ST8SIA5: variants seen among roughly 807,000 people sequenced by gnomAD.
The protein encoded by ST8SIA5 is ST8 alpha-N-acetyl-neuraminide alpha-2,8-sialyltransferase 5.
In ST8SIA5, 24 loss-of-function variants were observed where a neutral mutation model predicts 40.2. The ratio of observed to expected loss-of-function variants is 0.60; its 90% CI spans 0.43 to 0.84. ST8SIA5 has a LOEUF of 0.84. ST8SIA5 is among the 40% of genes least tolerant of loss of function. The pLI is 0.00. For missense variants in ST8SIA5, 465 were observed against 498.5 expected, an observed-to-expected ratio of 0.93 and a Z score of 0.64; for synonymous variants, 198 against 201.8, an observed-to-expected ratio of 0.98 and a Z score of 0.16.
At chr18:46,731,050 T>C (rs2039980531) in intron 1 of ST8SIA5, among the ~76,000 whole-genome samples, 1 of 152,152 alleles carries the variant, frequency 6.6e-6, no homozygotes, top group Admixed American at 6.5e-5. Context: ...GAAGATGAAC[T>C]ATGTGTGACA....
intron 1 of ST8SIA5, among the ~76,000 whole-genome samples, chr18:46,753,179 T>C (rs2040210324): frequency 6.6e-6 from 1 of 152,172 alleles, no homozygotes; most frequent in Non-Finnish European, 1.5e-5. Context: ...CGCACACACA[T>C]AGTCCTACCT....
chr18:46,694,721 G>A (rs1419747366), intron 2 of ST8SIA5, among the ~76,000 whole-genome samples: 1 of 152,060 alleles, frequency 6.6e-6, no homozygotes, highest in South Asian at 2.1e-4. Flanking sequence ...AGGGCTAAAG[G>A]AAGTGCCTGT....
At chr18:46,688,463 T>C (rs756423700) in intron 4 of ST8SIA5, among the ~76,000 whole-genome samples, 34 of 152,206 alleles carry the variant, frequency 2.2e-4, no homozygotes, top group Non-Finnish European at 3.7e-4. Flanking sequence ...GGGGGACGAA[T>C]GTGTTGTCAT....
rs1205408944 is a variant in ST8SIA5 at position 46,676,002 on chromosome 18, G to C, written c.*4040C>G. 6.6e-6 allele frequency: 1 copy of C among 152,168 alleles called. No individual in the cohort carries two copies. The highest frequency in any genetic ancestry group is 1.5e-5 in the Non-Finnish European group (1 of 68,038). The allele number at this position is 152,168 out of a possible 1,614,324, so 9.4% of individuals were successfully genotyped here. The stretch of plus-strand genomic sequence containing the variant: ...AACCCAGGTGTCGAGGCTGCAGTGA[G>C]CCATATTTATATCACCACCCTCTAG... On this transcript the variant is annotated 3_prime_UTR_variant, in exon 7 of 7. Transcript: ENST00000315087.
chr18:46,676,085 C>A lies in ST8SIA5; in HGVS notation c.*3957G>T. 1 of 152,052 alleles carries A rather than the reference C, an allele frequency of 6.6e-6. No individual in the cohort carries two copies. Among genetic ancestry groups the A allele is most frequent in the East Asian group, 1.9e-4 (1 of 5,194 alleles). The allele number at this position is 152,052 out of a possible 1,614,324, so 9.4% of individuals were successfully genotyped here. A position where few individuals can be genotyped will look rare whatever the true frequency, so the allele number is the denominator to read the frequency against. On this transcript the variant is annotated 3_prime_UTR_variant, in exon 7 of 7. Transcript: ENST00000315087. Reference sequence around the variant, plus strand: ...AAACAAACAAAAAAGACCAGAGAGGCCAACCTTGTCAAATGTTACACGGAT... The same window carrying A: ...AAACAAACAAAAAAGACCAGAGAGGACAACCTTGTCAAATGTTACACGGAT...
chr18:46,728,493 G>A (rs1269492338), intron 1 of ST8SIA5, among the ~76,000 whole-genome samples: 1 of 152,234 alleles, frequency 6.6e-6, no homozygotes, highest in African/African-American at 2.4e-5. Context: ...AACCAAAAGA[G>A]GCTGAATCTA....
chr18:46,732,808 T>C (rs1173479372), intron 1 of ST8SIA5, among the ~76,000 whole-genome samples: 1 of 152,008 alleles, frequency 6.6e-6, no homozygotes, highest in African/African-American at 2.4e-5. Context: ...GCGAAAGGCT[T>C]CAATGCTCAA....
Position 46,756,858 on chromosome 18 carries a change from C to A in ST8SIA5, c.-350G>T, listed in dbSNP as rs1433916211. ...TGCCACGAGCCGGAGGCGGCCCCTC[C>A]CGCCGAGGTGGCGGCCAATGGGGAG... On this transcript the variant is annotated 5_prime_UTR_variant, in exon 1 of 7. Coordinates refer to ENST00000315087, the MANE Select transcript of ST8SIA5 (RefSeq NM_013305.6). 6.7e-5 allele frequency: 17 copies of A among 255,348 alleles called. No individual in the cohort carries two copies. The highest frequency in any genetic ancestry group is 1.3e-3 in the Middle Eastern group (1 of 770). The allele number at this position is 255,348 out of a possible 1,614,324, so 15.8% of individuals were successfully genotyped here.
chr18:46,686,878 T>C (rs1038020443), intron 4 of ST8SIA5, among the ~76,000 whole-genome samples: 1 of 151,792 alleles, frequency 6.6e-6, no homozygotes, highest in Admixed American at 6.6e-5. Context: ...ATGTTCCATA[T>C]GGCTGTTTCC....
At chr18:46,708,059 T>C (rs780744446) in intron 1 of ST8SIA5, among the ~76,000 whole-genome samples, 1 of 152,132 alleles carries the variant, frequency 6.6e-6, no homozygotes, top group African/African-American at 2.4e-5. Flanking sequence ...GCGACAGGGT[T>C]GAGAAAAAAC....
intron 1 of ST8SIA5, among the ~76,000 whole-genome samples, chr18:46,715,510 G>T (rs1322572208): frequency 6.6e-6 from 1 of 151,950 alleles, no homozygotes; most frequent in South Asian, 2.1e-4. Context: ...TCTTGTCTGA[G>T]ATCAACCCTG....
At chr18:46,747,151 T>C (rs571017475) in intron 1 of ST8SIA5, among the ~76,000 whole-genome samples, 17 of 152,310 alleles carry the variant, frequency 1.1e-4, no homozygotes, top group African/African-American at 3.6e-4. Context: ...ATTCAGGACA[T>C]AGGCCTGGGC....
chr18:46,683,342 T>A (rs1264191596), intron 5 of ST8SIA5, among the ~76,000 whole-genome samples: 1 of 152,186 alleles, frequency 6.6e-6, no homozygotes, highest in Non-Finnish European at 1.5e-5. Context: ...AAATACTACA[T>A]AATGAATGAA....
chr18:46,720,387 A>G (rs114442040), intron 1 of ST8SIA5, among the ~76,000 whole-genome samples: 3,541 of 152,234 alleles, frequency 0.023, 127 homozygotes, highest in African/African-American at 0.08. Context: ...AAGACCCTCC[A>G]GCCCAGGCCA....
intron 2 of ST8SIA5, 148 bp downstream of exon 2, chr18:46,704,424 G>C (rs904826674): frequency 1.4e-6 from 1 of 695,338 alleles, no homozygotes; most frequent in Non-Finnish European, 2.5e-6. Context: ...GAATGCCAGT[G>C]GCTCTGGGGA....
chr18:46,692,292 T>A, intron 2 of ST8SIA5, 37 bp from the exon 3 acceptor site: 1 of 1,597,866 alleles, frequency 6.3e-7, no homozygotes. Context: ...ATGAGCAGGG[T>A]AGGCGGGACA....
At chr18:46,721,162 T>C (rs2039858771) in intron 1 of ST8SIA5, among the ~76,000 whole-genome samples, 1 of 152,130 alleles carries the variant, frequency 6.6e-6, no homozygotes, top group South Asian at 2.1e-4. Context: ...TTGGTTGTGG[T>C]TGGGTCCTAT....
At chr18:46,688,740 C>T (rs761652731) in intron 4 of ST8SIA5, 35 bp downstream of exon 4, 4 of 1,588,514 alleles carry the variant, frequency 2.5e-6, no homozygotes, top group Admixed American at 1.7e-5. Context: ...TTGGCTCCCT[C>T]GCCCCACCCA....
intron 2 of ST8SIA5, among the ~76,000 whole-genome samples, chr18:46,699,877 G>A (rs1374334434): frequency 1.3e-5 from 2 of 152,202 alleles, no homozygotes; most frequent in Admixed American, 6.5e-5. Flanking sequence ...GGCACAAAAG[G>A]GGCTCCCAGT....
Sources: allele counts gnomAD v4.1 joint callset (sites outside exome capture counted in the v4.1 genomes callset), GRCh38; gene constraint gnomAD v4.1.1; transcripts MANE v1.5; gene names NCBI Gene and HGNC (gene_info 2026-07-23, HGNC 2026-07-21).